Variants in NAV3 observed in about 807,000 individuals in gnomAD.
NAV3 encodes neuron navigator 3.
Under a neutral mutation model 244.7 loss-of-function variants are expected in NAV3, and 87 were observed. That is an observed-to-expected ratio of 0.36 (90% confidence interval 0.30 to 0.42). The LOEUF (loss-of-function observed/expected upper bound fraction) is 0.42, where lower values mean the gene tolerates loss of function less well. Among genes scored for constraint, NAV3 ranks in the 20% least tolerant of loss-of-function variants. NAV3 has a pLI of 1.00. For synonymous variants in NAV3, 1,126 were observed against 1,042.2 expected (o/e 1.08, Z -1.55); for missense variants, 2,663 against 2,893.3 (o/e 0.92, Z 1.83).
rs2136079340 is a variant in NAV3, at chr12:77,831,659, G to C, written c.198G>C (p.Glu66Asp). The C allele has an allele frequency of 6.2e-7, 1 of 1,613,388 alleles. No individual in the cohort carries two copies. The highest frequency in any genetic ancestry group is 8.5e-7 in the Non-Finnish European group (1 of 1,179,796). ...LALKSTCEFG[E>D]KKPLQGKAKE... ...TAAAATCAACCTGTGAATTTGGAGA[G>C]AAGAAACCCCTCCAAGGAAAAGCCA... Residue 66 changes from glutamate to aspartate, a missense_variant, in exon 1 of 40, where the codon GAG becomes GAC. By Grantham distance (45) the Glu-to-Asp change is conservative. This residue lies in a region of NAV3 where 1,521 missense variants were observed against 1,497.0 expected (regional missense o/e 1.02). Coordinates refer to ENST00000397909, the MANE Select transcript of NAV3 (RefSeq NM_001024383.2).
At chr12:77,645,263 CT>C (rs964217314) in intron 2 of NAV3, among the ~76,000 whole-genome samples, 11 of 138,242 alleles carry the variant, frequency 8.0e-5, no homozygotes, top group Non-Finnish European at 1.1e-4. Flanking sequence ...TAATTTAAAT[CT>C]TATGATTTTT....
chr12:77,944,329 A>G (rs1457688850), intron 3 of NAV3, among the ~76,000 whole-genome samples: 1 of 152,162 alleles, frequency 6.6e-6, no homozygotes, highest in African/African-American at 2.4e-5. Context: ...TAGATGCTTT[A>G]TGGGGATTAT....
chr12:78,055,609 A>G (rs1263322483), intron 11 of NAV3, among the ~76,000 whole-genome samples: 1 of 152,204 alleles, frequency 6.6e-6, no homozygotes, highest in African/African-American at 2.4e-5. Context: ...ATGGATGGTA[A>G]TTCTGTTGTT....
intron 36 of NAV3, 29 bp downstream of exon 36, chr12:78,198,705 TTG>T: frequency 1.4e-6 from 2 of 1,379,762 alleles, no homozygotes; most frequent in South Asian, 1.2e-5. Context: ...TTTTTTTGTT[TTG>T]TTTTTTTGTT....
chr12:77,625,046 A>G (rs1387192569), intron 2 of NAV3, among the ~76,000 whole-genome samples: 2 of 152,348 alleles, frequency 1.3e-5, no homozygotes, highest in South Asian at 2.1e-4. Flanking sequence ...CATCATGCAC[A>G]TGTACCCAGA....
At chr12:77,768,802 C>T (rs921070869) in intron 2 of NAV3, among the ~76,000 whole-genome samples, 1 of 152,230 alleles carries the variant, frequency 6.6e-6, no homozygotes, top group Non-Finnish European at 1.5e-5. Flanking sequence ...GTTCCTGGTT[C>T]CTGCCAGCTC....
intron 9 of NAV3, among the ~76,000 whole-genome samples, chr12:78,025,295 A>G (rs914384027): frequency 3.3e-5 from 5 of 151,382 alleles, no homozygotes; most frequent in African/African-American, 1.2e-4. Flanking sequence ...ACCAATTCTC[A>G]TGTTGAAATT....
intron 23 of NAV3, among the ~76,000 whole-genome samples, chr12:78,164,412 A>G (rs1957694109): frequency 6.6e-6 from 1 of 152,078 alleles, no homozygotes; most frequent in Non-Finnish European, 1.5e-5. Context: ...GAAACCTTCA[A>G]AATAAGGGAA....
chr12:77,654,478 C>T (rs1283862443), intron 2 of NAV3, among the ~76,000 whole-genome samples: 1 of 152,188 alleles, frequency 6.6e-6, no homozygotes, highest in Non-Finnish European at 1.5e-5. Flanking sequence ...GAGCCCACCA[C>T]AGCTCATGGA....
At chr12:77,601,872 G>A (rs1870449672) in intron 2 of NAV3, among the ~76,000 whole-genome samples, 1 of 151,962 alleles carries the variant, frequency 6.6e-6, no homozygotes, top group Admixed American at 6.6e-5. Context: ...CTTTTTCTCA[G>A]GTAGAATTGA....
intron 12 of NAV3, among the ~76,000 whole-genome samples, chr12:78,085,825 G>GAGT (rs2137912121): frequency 6.6e-6 from 1 of 152,166 alleles, no homozygotes; most frequent in South Asian, 2.1e-4. Flanking sequence ...ACAAGACAGA[G>GAGT]AGTAGCTGGT....
chr12:78,037,081 C>T (rs1880016425), intron 9 of NAV3: 4 of 702,878 alleles, frequency 5.7e-6, no homozygotes, highest in Non-Finnish European at 7.8e-6. Context: ...AAGTTTCTCT[C>T]GCGGTCTGTG....
intron 2 of NAV3, among the ~76,000 whole-genome samples, chr12:77,787,503 T>C (rs887376751): frequency 2.0e-5 from 3 of 152,152 alleles, no homozygotes; most frequent in Non-Finnish European, 4.4e-5. Context: ...CTTCTTCACA[T>C]GGTGGCGGGA....
At chr12:78,166,285 G>A (rs1269704626) in intron 23 of NAV3, among the ~76,000 whole-genome samples, 2 of 151,806 alleles carry the variant, frequency 1.3e-5, no homozygotes, top group Non-Finnish European at 2.9e-5. Context: ...GAAAAGAGAT[G>A]GGTGTGGCTT....
At chr12:77,921,853 A>G (rs1054188982) in intron 1 of NAV3, among the ~76,000 whole-genome samples, 1 of 152,158 alleles carries the variant, frequency 6.6e-6, no homozygotes, top group Non-Finnish European at 1.5e-5. Context: ...GTGACTTGCT[A>G]CTTAATGACT....
intron 5 of NAV3, among the ~76,000 whole-genome samples, chr12:77,974,814 G>C (rs571380194): frequency 2.7e-4 from 41 of 152,250 alleles, no homozygotes; most frequent in African/African-American, 9.4e-4. Context: ...GAAGAGACCA[G>C]ATGAAATGGT....
At chr12:77,647,843 T>A (rs1415374366) in intron 2 of NAV3, among the ~76,000 whole-genome samples, 1 of 152,114 alleles carries the variant, frequency 6.6e-6, no homozygotes, top group East Asian at 1.9e-4. Flanking sequence ...AAAGCACAGA[T>A]CTACCATTCC....
chr12:77,959,541 A>G (rs1210912261), intron 3 of NAV3, among the ~76,000 whole-genome samples: 1 of 152,054 alleles, frequency 6.6e-6, no homozygotes, highest in Non-Finnish European at 1.5e-5. Flanking sequence ...TGTACATTGT[A>G]TTGTGCTAAG....
chr12:77,922,493 G>A (rs1887807798), intron 1 of NAV3, among the ~76,000 whole-genome samples: 1 of 152,012 alleles, frequency 6.6e-6, no homozygotes, highest in Non-Finnish European at 1.5e-5. Context: ...ATTCCTGTGT[G>A]CCCTACTCCA....
Sources: allele counts gnomAD v4.1 joint callset (sites outside exome capture counted in the v4.1 genomes callset), GRCh38; gene constraint gnomAD v4.1.1; regional missense constraint gnomAD v4.1.1; transcripts MANE v1.5; gene names NCBI Gene and HGNC (gene_info 2026-07-23, HGNC 2026-07-21).